Variants in DCLK1 observed in about 807,000 individuals in gnomAD.
DCLK1 encodes the protein doublecortin like kinase 1.
In DCLK1, 16 loss-of-function variants were observed where a neutral mutation model predicts 86.2. That is an observed-to-expected ratio of 0.19 (90% CI 0.13 to 0.28). DCLK1 has a LOEUF of 0.28. Ranked by LOEUF, DCLK1 falls within the 10% of genes least tolerant of loss-of-function variation. The probability of loss-of-function intolerance (pLI) is 1.00; values close to 1 mark genes in which losing one functional copy is unlikely to be tolerated. For synonymous variants in DCLK1, 369 were observed against 370.5 expected, an observed-to-expected ratio of 1.00 and a Z score of 0.05; for missense variants, 590 against 940.2, an observed-to-expected ratio of 0.63 and a Z score of 4.87.
intron 3 of DCLK1, among the ~76,000 whole-genome samples, chr13:36,102,703 C>CT (rs1354690383): frequency 6.6e-6 from 1 of 152,138 alleles, no homozygotes; most frequent in African/African-American, 2.4e-5. Flanking sequence ...AAAAATGTGA[C>CT]TTTTTTTCTA....
chr13:35,989,933 G>C (rs1273487914), intron 3 of DCLK1, among the ~76,000 whole-genome samples: 1 of 152,100 alleles, frequency 6.6e-6, no homozygotes, highest in Non-Finnish European at 1.5e-5. Flanking sequence ...ACTGATATGT[G>C]ATAAACTAAG....
intron 4 of DCLK1, among the ~76,000 whole-genome samples, chr13:35,945,669 G>A (rs368554052): frequency 6.6e-6 from 1 of 152,224 alleles, no homozygotes; most frequent in East Asian, 1.9e-4. Flanking sequence ...TCTCAAAACC[G>A]TGCTGTCAAC....
At chr13:35,901,418 A>G (rs1874348902) in intron 4 of DCLK1, among the ~76,000 whole-genome samples, 1 of 132,718 alleles carries the variant, frequency 7.5e-6, no homozygotes, top group Non-Finnish European at 1.6e-5. Flanking sequence ...TGAACCCAGG[A>G]GATGGAGGTT....
chr13:35,784,144 A>C (rs1593584971), intron 16 of DCLK1, among the ~76,000 whole-genome samples: 2 of 152,312 alleles, frequency 1.3e-5, no homozygotes, highest in Middle Eastern at 6.8e-3. Context: ...TTTTAAGTCA[A>C]AATGAGGGAA....
At chr13:36,102,666 T>C (rs548796540) in intron 3 of DCLK1, among the ~76,000 whole-genome samples, 1 of 152,348 alleles carries the variant, frequency 6.6e-6, no homozygotes, top group Admixed American at 6.5e-5. Flanking sequence ...AAAACAAGAC[T>C]GGACTTATGG....
At chr13:35,991,226 C>T (rs1287299287) in intron 3 of DCLK1, among the ~76,000 whole-genome samples, 1 of 152,126 alleles carries the variant, frequency 6.6e-6, no homozygotes, top group Non-Finnish European at 1.5e-5. Flanking sequence ...TTGCTAAGTT[C>T]CCCCCACTTA....
At position 36,114,110 on chromosome 13, in the gene DCLK1, C is replaced by T. The variant is rs767487888; in HGVS notation, c.377-1895G>A. Among the ~76,000 whole-genome samples the T allele has an allele frequency of 3.3e-5, 5 of 152,084 alleles. No homozygotes were observed. In the East Asian group the frequency reaches 9.6e-4, roughly 29 times the overall value. ...ATACAGAGAGCAGTTTACATTTCAA[C>T]AAAAACTTTAAAAATATATTAAATT... is the stretch of plus-strand genomic sequence containing the variant. On this transcript the variant is annotated intron_variant, in intron 2 of 16. Transcript: ENST00000360631.
chr13:35,814,519 AGGCTGGTCCAG>A (rs995175592), intron 11 of DCLK1, among the ~76,000 whole-genome samples: 2 of 152,210 alleles, frequency 1.3e-5, no homozygotes, highest in African/African-American at 4.8e-5. Flanking sequence ...AGGCTTGGAC[AGGCTGGTCCAG>A]CTAGTGGAGC....
At chr13:35,819,681 C>T (rs1012403789) in intron 11 of DCLK1, among the ~76,000 whole-genome samples, 1 of 151,730 alleles carries the variant, frequency 6.6e-6, no homozygotes, top group African/African-American at 2.4e-5. Context: ...TTTATATTAA[C>T]TTTATTATAA....
intron 5 of DCLK1, among the ~76,000 whole-genome samples, chr13:35,864,142 T>C (rs1038913226): frequency 5.9e-5 from 9 of 152,204 alleles, no homozygotes; most frequent in Non-Finnish European, 1.0e-4. Flanking sequence ...TATAAGCTTC[T>C]GAAGGGCAGG....
chr13:35,983,669 C>CATGATGTAA (rs1879768684), intron 3 of DCLK1, among the ~76,000 whole-genome samples: 1 of 152,186 alleles, frequency 6.6e-6, no homozygotes, highest in East Asian at 1.9e-4. Flanking sequence ...CCCCATTCTC[C>CATGATGTAA]ATGATGTAAT....
intron 3 of DCLK1, among the ~76,000 whole-genome samples, chr13:35,954,338 G>A (rs1305235635): frequency 6.6e-6 from 1 of 151,972 alleles, no homozygotes; most frequent in African/African-American, 2.4e-5. Context: ...GCACATATGG[G>A]GCTCCTCGTC....
chr13:35,936,018 G>T (rs1876731866), intron 4 of DCLK1, among the ~76,000 whole-genome samples: 1 of 152,114 alleles, frequency 6.6e-6, no homozygotes, highest in Non-Finnish European at 1.5e-5. Context: ...AAACATGAAT[G>T]AATCTTAGGG....
chr13:36,092,207 T>G (rs73182155), intron 3 of DCLK1, among the ~76,000 whole-genome samples: 22,525 of 142,516 alleles, frequency 0.16, 2,052 homozygotes, highest in Non-Finnish European at 0.22. Flanking sequence ...GCTCTTGAGG[T>G]TTTTTTTTTA....
intron 3 of DCLK1, among the ~76,000 whole-genome samples, chr13:35,973,412 T>G (rs1477998691): frequency 6.6e-6 from 1 of 152,160 alleles, no homozygotes; most frequent in African/African-American, 2.4e-5. Flanking sequence ...AGCTCTCCCC[T>G]GCACCTCGCA....
intron 3 of DCLK1, among the ~76,000 whole-genome samples, chr13:36,108,075 TAAAAA>T (rs11297157): frequency 8.8e-5 from 13 of 148,450 alleles, no homozygotes; most frequent in African/African-American, 1.2e-4. Context: ...GGCCCAGATT[TAAAAA>T]AAAAAAAAAT....
At chr13:35,859,963 T>C (rs1272632678) in intron 5 of DCLK1, among the ~76,000 whole-genome samples, 2 of 152,316 alleles carry the variant, frequency 1.3e-5, no homozygotes, top group Non-Finnish European at 2.9e-5. Flanking sequence ...GTGTCTCAAA[T>C]TGGTTCTGAA....
chr13:35,818,244 C>T (rs1197054735), intron 11 of DCLK1, among the ~76,000 whole-genome samples: 1 of 152,104 alleles, frequency 6.6e-6, no homozygotes, highest in Non-Finnish European at 1.5e-5. Flanking sequence ...TATCCTATCA[C>T]CAAATGGATT....
chr13:35,956,341 C>T (rs1877973618), intron 3 of DCLK1, among the ~76,000 whole-genome samples: 1 of 152,074 alleles, frequency 6.6e-6, no homozygotes, highest in Non-Finnish European at 1.5e-5. Context: ...TGCTGAGAGG[C>T]AAACTTATAT....
Sources: gnomAD v4.1 joint callset for allele counts (sites outside exome capture counted in the v4.1 genomes callset) on GRCh38, gnomAD v4.1.1 for gene constraint, MANE v1.5 for transcripts, NCBI Gene and HGNC (gene_info 2026-07-23, HGNC 2026-07-21) for gene names.